LRFN5: variants seen among roughly 807,000 people sequenced by gnomAD.
The protein encoded by LRFN5 is leucine-rich repeat and fibronectin type-III domain-containing protein 5.
Under a neutral mutation model 45.6 loss-of-function variants are expected in LRFN5, and 24 were observed. The ratio of observed to expected loss-of-function variants is 0.53; its 90% CI spans 0.38 to 0.74. The LOEUF is 0.74. Among genes scored for constraint, LRFN5 ranks in the 30% least tolerant of loss-of-function variants. LRFN5 has a pLI of 0.00. For missense variants in LRFN5, 776 were observed against 861.5 expected, an observed-to-expected ratio of 0.90 and a Z score of 1.24; for synonymous variants, 340 against 313.8, an observed-to-expected ratio of 1.08 and a Z score of -0.88.
At chr14:41,795,570 T>C (rs185408083) in intron 2 of LRFN5, among the ~76,000 whole-genome samples, 1,779 of 152,178 alleles carry the variant, frequency 0.012, 26 homozygotes, top group African/African-American at 0.041. Context: ...ATGTGGCACA[T>C]ATACACCATG....
At chr14:41,764,416 G>T (rs1157344384) in intron 1 of LRFN5, among the ~76,000 whole-genome samples, 2 of 151,896 alleles carry the variant, frequency 1.3e-5, no homozygotes, top group Non-Finnish European at 2.9e-5. Flanking sequence ...CTTAATAAAA[G>T]GTATGATTAC....
At chr14:41,739,280 G>A (rs539433937) in intron 1 of LRFN5, among the ~76,000 whole-genome samples, 1 of 152,230 alleles carries the variant, frequency 6.6e-6, no homozygotes, top group African/African-American at 2.4e-5. Context: ...AGCTATTTGG[G>A]AGGGTGGCGT....
intron 2 of LRFN5, among the ~76,000 whole-genome samples, chr14:41,847,914 C>G (rs1391353848): frequency 1.3e-5 from 2 of 151,944 alleles, no homozygotes; most frequent in Non-Finnish European, 2.9e-5. Context: ...TCTCAATGAC[C>G]ACAAGTTACC....
chr14:41,696,828 A>G (rs55842279), intron 1 of LRFN5, among the ~76,000 whole-genome samples: 2,260 of 152,034 alleles, frequency 0.015, 12 homozygotes, highest in African/African-American at 0.021. Context: ...TAATGATGCC[A>G]GGCATGTTTC....
At chr14:41,641,202 T>A (rs1340394351) in intron 1 of LRFN5, among the ~76,000 whole-genome samples, 2 of 152,096 alleles carry the variant, frequency 1.3e-5, no homozygotes, top group African/African-American at 2.4e-5. Flanking sequence ...TAGAGGGCGT[T>A]TGAAAACGCT....
chr14:41,625,830 C>T (rs1888311548), intron 1 of LRFN5, among the ~76,000 whole-genome samples: 2 of 152,074 alleles, frequency 1.3e-5, no homozygotes, highest in South Asian at 2.1e-4. Flanking sequence ...CCTAAGTATT[C>T]ATCAATGGAG....
chr14:41,656,318 C>T (rs1880378040), intron 1 of LRFN5, among the ~76,000 whole-genome samples: 1 of 151,990 alleles, frequency 6.6e-6, no homozygotes, highest in Non-Finnish European at 1.5e-5. Flanking sequence ...TCTGAGAAGA[C>T]TCTTTATGCT....
intron 2 of LRFN5, among the ~76,000 whole-genome samples, chr14:41,840,717 A>G (rs1888830279): frequency 6.6e-6 from 1 of 152,026 alleles, no homozygotes; most frequent in Admixed American, 6.6e-5. Context: ...GAGAGCCAAA[A>G]GAGCCATATT....
intron 2 of LRFN5, among the ~76,000 whole-genome samples, chr14:41,811,169 G>A (rs1349668551): frequency 6.6e-6 from 1 of 151,952 alleles, no homozygotes; most frequent in Non-Finnish European, 1.5e-5. Context: ...ATATGAAATG[G>A]CATTCAAAAT....
chr14:41,744,835 G>C (rs56070822), intron 1 of LRFN5, among the ~76,000 whole-genome samples: 179 of 152,158 alleles, frequency 1.2e-3, no homozygotes, highest in African/African-American at 4.2e-3. Flanking sequence ...AAGAGTAATA[G>C]AGAAAGAAGA....
chr14:41,839,535 A>G (rs1401049297), intron 2 of LRFN5, among the ~76,000 whole-genome samples: 1 of 152,026 alleles, frequency 6.6e-6, no homozygotes, highest in Non-Finnish European at 1.5e-5. Context: ...CAGCTATCTT[A>G]TTTTTTGCCT....
At chr14:41,722,557 A>G (rs1436169635) in intron 1 of LRFN5, among the ~76,000 whole-genome samples, 2 of 134,366 alleles carry the variant, frequency 1.5e-5, no homozygotes, top group African/African-American at 5.9e-5. Context: ...CCTATAATAA[A>G]ATACGGTGTT....
chr14:41,759,210 A>T (rs1452520490), intron 1 of LRFN5, among the ~76,000 whole-genome samples: 1 of 152,132 alleles, frequency 6.6e-6, no homozygotes, highest in Non-Finnish European at 1.5e-5. Flanking sequence ...GTGCTTGTAG[A>T]TATTTCTCAC....
At chr14:41,652,451 C>T (rs1172191337) in intron 1 of LRFN5, among the ~76,000 whole-genome samples, 4 of 152,126 alleles carry the variant, frequency 2.6e-5, no homozygotes, top group Admixed American at 2.0e-4. Flanking sequence ...GAGATTGAGG[C>T]CTTGCCTTCA....
intron 1 of LRFN5, among the ~76,000 whole-genome samples, chr14:41,756,553 T>C (rs931750271): frequency 6.6e-6 from 1 of 152,226 alleles, no homozygotes; most frequent in Non-Finnish European, 1.5e-5. Context: ...TCGAATCGGC[T>C]ACTGAGGCTT....
intron 2 of LRFN5, among the ~76,000 whole-genome samples, chr14:41,823,947 G>T (rs1457090531): frequency 6.6e-6 from 1 of 151,866 alleles, no homozygotes; most frequent in Non-Finnish European, 1.5e-5. Flanking sequence ...TATTTTATTT[G>T]GTCTAGGCTA....
intron 2 of LRFN5, among the ~76,000 whole-genome samples, chr14:41,810,524 C>T (rs1471453149): frequency 2.0e-5 from 3 of 151,996 alleles, no homozygotes; most frequent in Non-Finnish European, 4.4e-5. Flanking sequence ...ATTTTCCTAT[C>T]AGATCCAGAT....
chr14:41,826,763 T>G (rs978768312), intron 2 of LRFN5, among the ~76,000 whole-genome samples: 22 of 152,128 alleles, frequency 1.4e-4, no homozygotes, highest in African/African-American at 5.1e-4. Context: ...GGACATGTTA[T>G]TTAAATAAAT....
intron 1 of LRFN5, among the ~76,000 whole-genome samples, chr14:41,653,871 C>T (rs1440110157): frequency 3.3e-5 from 5 of 152,056 alleles, no homozygotes; most frequent in African/African-American, 1.2e-4. Flanking sequence ...ACAGGAGTAA[C>T]AGGTTAATCA....
Sources: gnomAD v4.1 joint callset for allele counts (sites outside exome capture counted in the v4.1 genomes callset) on GRCh38, gnomAD v4.1.1 for gene constraint, MANE v1.5 for transcripts, NCBI Gene and HGNC (gene_info 2026-07-23, HGNC 2026-07-21) for gene names.